The following CLEC2A variants were observed in gnomAD, a reference collection of about 807,000 sequenced individuals.
CLEC2A encodes the protein keratinocyte-associated C-type lectin.
In CLEC2A, 19 loss-of-function variants were observed where a neutral mutation model predicts 18.6. The ratio of observed to expected loss-of-function variants is 1.02; its 90% CI spans 0.71 to 1.50. The LOEUF (loss-of-function observed/expected upper bound fraction) is 1.50. CLEC2A is among the 40% of genes most tolerant of loss of function. The pLI, the probability that CLEC2A is intolerant of heterozygous loss-of-function variation, is 0.00. For missense variants in CLEC2A, 190 were observed against 207.9 expected (o/e 0.91, Z 0.53); for synonymous variants, 74 against 64.0 (o/e 1.16, Z -0.75).
the CLEC2A span, among the ~76,000 whole-genome samples, chr12:9,882,291 T>C: frequency 6.6e-6 from 1 of 152,264 alleles, no homozygotes; most frequent in South Asian, 2.1e-4. Context: ...GTATTGAACA[T>C]TCTCGTGTAC....
intron 2 of CLEC2A, among the ~76,000 whole-genome samples, chr12:9,925,955 C>A (rs777914946): frequency 2.6e-5 from 4 of 152,146 alleles, no homozygotes; most frequent in African/African-American, 4.8e-5. Flanking sequence ...TAGACTGAAC[C>A]CCTGGCATTT....
At chr12:9,910,428 C>T (rs1410778369), downstream of CLEC2A, among the ~76,000 whole-genome samples, 3 of 152,090 alleles carry the variant, frequency 2.0e-5, no homozygotes, top group Non-Finnish European at 4.4e-5. Context: ...TGTGTGGGGG[C>T]TCAACCTCTC....
At chr12:9,892,274 C>T in the CLEC2A span, among the ~76,000 whole-genome samples, 4 of 151,938 alleles carry the variant, frequency 2.6e-5, no homozygotes, top group African/African-American at 7.3e-5. Context: ...ACAGTATGAA[C>T]GAAAAGCACA....
At chr12:9,930,143 C>A (rs1591798252) in intron 1 of CLEC2A, among the ~76,000 whole-genome samples, 1 of 152,086 alleles carries the variant, frequency 6.6e-6, no homozygotes, top group African/African-American at 2.4e-5. Flanking sequence ...CTGTTCCAGG[C>A]CATTCTCCTT....
chr12:9,893,180 A>G, the CLEC2A span: 1,867 of 1,528,484 alleles, frequency 1.2e-3, 17 homozygotes, highest in African/African-American at 0.022. Flanking sequence ...TGAGAAATCA[A>G]AAACAGGATC....
At chr12:9,915,300 C>T (rs987925591) in intron 4 of CLEC2A, among the ~76,000 whole-genome samples, 2 of 152,140 alleles carry the variant, frequency 1.3e-5, no homozygotes, top group Non-Finnish European at 2.9e-5. Context: ...GTGGTGATTC[C>T]TCAAGGATCT....
intron 2 of CLEC2A, among the ~76,000 whole-genome samples, chr12:9,923,360 A>T (rs1863205699): frequency 1.3e-5 from 2 of 152,242 alleles, no homozygotes; most frequent in Admixed American, 6.5e-5. Context: ...AAGAAATGCA[A>T]ATCAAAACCA....
At chr12:9,896,475 C>T (rs76057042), downstream of CLEC2A, among the ~76,000 whole-genome samples, 1,468 of 151,726 alleles carry the variant, frequency 9.7e-3, 20 homozygotes, top group African/African-American at 0.034. Context: ...AAAGCAAATC[C>T]GTGCATGTAA....
chr12:9,914,719 T>A (rs1050677376), intron 4 of CLEC2A, among the ~76,000 whole-genome samples: 1 of 152,134 alleles, frequency 6.6e-6, no homozygotes, highest in South Asian at 2.1e-4. Context: ...TAACTCAAGA[T>A]GGATTAAAGA....
intron 4 of CLEC2A, among the ~76,000 whole-genome samples, chr12:9,905,916 A>G (rs1224589549): frequency 1.3e-5 from 2 of 152,200 alleles, no homozygotes; most frequent in African/African-American, 4.8e-5. Flanking sequence ...TATTTCAGGC[A>G]ACCGATTGGA....
rs575427097 is a variant in CLEC2A at position 9,915,342 on chromosome 12, C to T, written c.410+1358G>A. 1.0e-3 allele frequency among the ~76,000 whole-genome samples: 156 copies of T among 152,060 alleles called. 1 individual carries two copies. The highest frequency in any genetic ancestry group is 1.9e-3 in the Non-Finnish European group (132 of 67,936). On this transcript the variant is annotated intron_variant, in intron 4 of 4. Transcript: ENST00000455827. ...AGAAATACCATTTAACCCAGCAATCCCATTACTGGATATATACCCAAAGGA... is the reference window on the plus strand; with the variant it reads ...AGAAATACCATTTAACCCAGCAATCTCATTACTGGATATATACCCAAAGGA...
chr12:9,881,704 A>C, the CLEC2A span: 32 of 1,341,538 alleles, frequency 2.4e-5, no homozygotes, highest in Non-Finnish European at 2.8e-5. Flanking sequence ...TTAAAATTTC[A>C]TTATTCTTCT....
the CLEC2A span, among the ~76,000 whole-genome samples, chr12:9,891,381 T>C: frequency 6.6e-6 from 1 of 152,202 alleles, no homozygotes; most frequent in Non-Finnish European, 1.5e-5. Flanking sequence ...TTTTGGACAG[T>C]AAGTGTCCAC....
At chr12:9,898,610 T>G (rs1862784498), downstream of CLEC2A, 1 of 301,598 alleles carries the variant, frequency 3.3e-6, no homozygotes, top group East Asian at 5.3e-5. Context: ...AGAATTTATT[T>G]AAAACATTTC....
At chr12:9,903,330 C>G (rs11053506) in intron 4 of CLEC2A, among the ~76,000 whole-genome samples, 1 of 151,884 alleles carries the variant, frequency 6.6e-6, no homozygotes, top group Non-Finnish European at 1.5e-5. Context: ...TACTAGGCCT[C>G]GGGCACAGAA....
chr12:9,899,933 G>C (rs1591782679), intron 4 of CLEC2A, among the ~76,000 whole-genome samples: 1 of 152,194 alleles, frequency 6.6e-6, no homozygotes, highest in Middle Eastern at 3.4e-3. Flanking sequence ...TTGAGTCTAG[G>C]ACAAAAACAT....
intron 4 of CLEC2A, among the ~76,000 whole-genome samples, chr12:9,908,070 A>G (rs1327667854): frequency 6.6e-6 from 1 of 152,202 alleles, no homozygotes; most frequent in Non-Finnish European, 1.5e-5. Flanking sequence ...GGGTTCAAGA[A>G]GCCCGTCTTG....
chr12:9,897,560 T>TA (rs554528887), downstream of CLEC2A, among the ~76,000 whole-genome samples: 159 of 130,414 alleles, frequency 1.2e-3, 1 homozygote, highest in South Asian at 4.0e-3. Context: ...ACGCTCAGTA[T>TA]AAAAAAAAAA....
At chr12:9,925,711 A>G (rs1445808413) in intron 2 of CLEC2A, among the ~76,000 whole-genome samples, 1 of 152,180 alleles carries the variant, frequency 6.6e-6, no homozygotes, top group Non-Finnish European at 1.5e-5. Flanking sequence ...CTTGAAACTT[A>G]CATTTGTCTT....
Sources: gnomAD v4.1 joint callset for allele counts (sites outside exome capture counted in the v4.1 genomes callset) on GRCh38, gnomAD v4.1.1 for gene constraint, MANE v1.5 for transcripts, NCBI Gene and HGNC (gene_info 2026-07-23, HGNC 2026-07-21) for gene names.